The following USP18 variants were observed in gnomAD, a reference collection of about 807,000 sequenced individuals.
The protein encoded by USP18 is ubl carboxyl-terminal hydrolase 18.
Under a neutral mutation model 48.7 loss-of-function variants are expected in USP18, and 11 were observed. The ratio of observed to expected loss-of-function variants is 0.23; its 90% CI spans 0.14 to 0.37. The LOEUF (loss-of-function observed/expected upper bound fraction) is 0.37. USP18 is among the 10% of genes least tolerant of loss of function. The pLI is 1.00. For synonymous variants in USP18, 114 were observed against 163.2 expected (o/e 0.70, Z 2.30); for missense variants, 285 against 436.4 (o/e 0.65, Z 3.09).
At chr22:18,152,344 C>T (rs1929021352) in intron 1 of USP18, among the ~76,000 whole-genome samples, 1 of 152,014 alleles carries the variant, frequency 6.6e-6, no homozygotes, top group Non-Finnish European at 1.5e-5. Context: ...TCTCTGAGGA[C>T]CCCGATTGGT....
chr22:18,176,089 T>A (rs1395190261), intron 10 of USP18, among the ~76,000 whole-genome samples: 1 of 117,508 alleles, frequency 8.5e-6, no homozygotes, highest in African/African-American at 3.7e-5. Flanking sequence ...GAGACCATCC[T>A]GGCTAACACG....
chr22:18,164,983 T>G (rs530278751), intron 4 of USP18, among the ~76,000 whole-genome samples: 4 of 151,698 alleles, frequency 2.6e-5, no homozygotes, highest in African/African-American at 9.7e-5. Context: ...CCGGTTGCGA[T>G]GTGGGTGTTC....
chr22:18,162,923 G>A (rs143777277), intron 4 of USP18, among the ~76,000 whole-genome samples: 14,107 of 150,522 alleles, frequency 0.094, 766 homozygotes, highest in Non-Finnish European at 0.12. Flanking sequence ...TATTTTGGTC[G>A]GCTTGATGTC....
chr22:18,165,516 G>GTGTTTCC (rs1210334903), intron 4 of USP18, among the ~76,000 whole-genome samples: 1 of 100,772 alleles, frequency 9.9e-6, no homozygotes, highest in Admixed American at 1.2e-4. Context: ...CACCGCGGCC[G>GTGTTTCC]TGTTTCCTGT....
intron 10 of USP18, among the ~76,000 whole-genome samples, chr22:18,175,419 T>C (rs544047272): frequency 1.3e-4 from 19 of 150,810 alleles, no homozygotes; most frequent in Non-Finnish European, 2.1e-4. Flanking sequence ...CCTTCTACTT[T>C]TCATCTTTCT....
At chr22:18,164,090 C>A (rs1164994641) in intron 4 of USP18, among the ~76,000 whole-genome samples, 2 of 152,274 alleles carry the variant, frequency 1.3e-5, no homozygotes, top group Non-Finnish European at 1.5e-5. Flanking sequence ...CGAATGCTGG[C>A]TGCTCTCTGC....
At chr22:18,154,320 C>T (rs1929071862) in intron 1 of USP18, among the ~76,000 whole-genome samples, 1 of 151,950 alleles carries the variant, frequency 6.6e-6, no homozygotes, top group Admixed American at 6.6e-5. Context: ...TCTCATCTGT[C>T]AAATGGAAAT....
intron 1 of USP18, among the ~76,000 whole-genome samples, chr22:18,152,950 A>G (rs77044518): frequency 0.017 from 2,636 of 152,234 alleles, 28 homozygotes; most frequent in African/African-American, 0.033. Context: ...CTCTTTCATC[A>G]GCTTTCCCTC....
At chr22:18,160,765 T>C (rs1929308172) in intron 3 of USP18, among the ~76,000 whole-genome samples, 1 of 146,780 alleles carries the variant, frequency 6.8e-6, no homozygotes, top group Non-Finnish European at 1.5e-5. Context: ...CAAGTATTGG[T>C]ACTTTTTTTT....
intron 4 of USP18, among the ~76,000 whole-genome samples, chr22:18,163,433 G>A (rs1264274594): frequency 6.6e-6 from 1 of 152,002 alleles, no homozygotes; most frequent in East Asian, 1.9e-4. Context: ...CATGAGGTCA[G>A]GCGATGGAGA....
intron 4 of USP18, among the ~76,000 whole-genome samples, chr22:18,166,549 C>T (rs948049639): frequency 6.6e-6 from 1 of 151,232 alleles, no homozygotes; most frequent in Non-Finnish European, 1.5e-5. Flanking sequence ...AAGGTGGCAA[C>T]ACTGGACATC....
At chr22:18,173,497 TG>T (rs1929697242) in intron 9 of USP18, among the ~76,000 whole-genome samples, 1 of 152,228 alleles carries the variant, frequency 6.6e-6, no homozygotes, top group Non-Finnish European at 1.5e-5. Flanking sequence ...TCTAAGTTTT[TG>T]GTGCTCTAGG....
At chr22:18,158,750 C>A (rs1402225831) in intron 2 of USP18, among the ~76,000 whole-genome samples, 2 of 152,168 alleles carry the variant, frequency 1.3e-5, no homozygotes, top group Non-Finnish European at 2.9e-5. Context: ...CCCAAAGTAA[C>A]CTTCTGATTT....
chr22:18,155,954 G>T (rs1460153324), intron 1 of USP18, among the ~76,000 whole-genome samples: 3 of 152,256 alleles, frequency 2.0e-5, no homozygotes, highest in Non-Finnish European at 4.4e-5. Context: ...GGGCTCCTGA[G>T]TCTGGTGGGG....
At chr22:18,152,167 C>G (rs1337199608) in intron 1 of USP18, among the ~76,000 whole-genome samples, 1 of 152,130 alleles carries the variant, frequency 6.6e-6, no homozygotes, top group Non-Finnish European at 1.5e-5. Context: ...CGGAAGACAC[C>G]GAGGCTGCTT....
intron 1 of USP18, among the ~76,000 whole-genome samples, chr22:18,155,366 G>A (rs1392285750): frequency 6.6e-6 from 1 of 152,222 alleles, no homozygotes; most frequent in East Asian, 1.9e-4. Context: ...CGTGCTGGCA[G>A]CCATCACAGC....
intron 1 of USP18, among the ~76,000 whole-genome samples, chr22:18,155,294 A>C (rs914523175): frequency 6.6e-6 from 1 of 152,150 alleles, no homozygotes; most frequent in Non-Finnish European, 1.5e-5. Flanking sequence ...TATCAGGGTG[A>C]TGAGGCTCTG....
Position 18,174,588 on chromosome 22 carries a change from T to A in USP18, c.1073+746T>A, listed in dbSNP as rs114008235. Among the ~76,000 whole-genome samples the A allele has an allele frequency of 9.9e-3, 1,513 of 152,250 alleles. 21 individuals are homozygous for A. The highest frequency in any genetic ancestry group is 0.034 in the African/African-American group (1,414 of 41,534). On this transcript the variant is annotated intron_variant, in intron 10 of 10. Transcript: ENST00000215794. ...TCTTTTACAGCGAAGATCTTTTTTT[T>A]AATTTAATTTTATTTTTAGAGATGG...
intron 1 of USP18, among the ~76,000 whole-genome samples, chr22:18,152,848 G>A (rs1929034363): frequency 6.6e-6 from 1 of 152,104 alleles, no homozygotes; most frequent in South Asian, 2.1e-4. Context: ...TGCTCCATGA[G>A]GTTTTACTGC....
Sources: allele counts gnomAD v4.1 joint callset (sites outside exome capture counted in the v4.1 genomes callset), GRCh38; gene constraint gnomAD v4.1.1; transcripts MANE v1.5; gene names NCBI Gene and HGNC (gene_info 2026-07-23, HGNC 2026-07-21).